PRKCE: variants seen among roughly 807,000 people sequenced by gnomAD.
The protein encoded by PRKCE is protein kinase C epsilon type.
PRKCE carries 16 observed loss-of-function variants against 85.4 expected under a neutral mutation model. The ratio of observed to expected loss-of-function variants is 0.19; its 90% CI spans 0.13 to 0.28. The LOEUF (loss-of-function observed/expected upper bound fraction) is 0.28, where lower values mean the gene tolerates loss of function less well. Ranked by LOEUF, PRKCE falls within the 10% of genes least tolerant of loss-of-function variation. The pLI is 1.00. For synonymous variants in PRKCE, 388 were observed against 371.5 expected (o/e 1.04, Z -0.51); for missense variants, 573 against 975.2 (o/e 0.59, Z 5.49).
chr2:46,089,673 A>G (rs2103941596), intron 11 of PRKCE, among the ~76,000 whole-genome samples: 1 of 152,336 alleles, frequency 6.6e-6, no homozygotes, highest in Middle Eastern at 3.4e-3. Context: ...GGGTTGGGGA[A>G]GGCATCCAGC....
chr2:45,897,939 C>A (rs73926106), intron 2 of PRKCE, among the ~76,000 whole-genome samples: 2,238 of 152,276 alleles, frequency 0.015, 72 homozygotes, highest in African/African-American at 0.051. Context: ...ATTTGCCCAA[C>A]CTCTGGTGTG....
chr2:45,822,489 G>C (rs1277264873), intron 1 of PRKCE, among the ~76,000 whole-genome samples: 1 of 152,250 alleles, frequency 6.6e-6, no homozygotes, highest in Non-Finnish European at 1.5e-5. Context: ...AGATGTGTCT[G>C]TTGCTGGATG....
intron 1 of PRKCE, among the ~76,000 whole-genome samples, chr2:45,791,180 T>C (rs1687005652): frequency 6.6e-6 from 1 of 152,236 alleles, no homozygotes; most frequent in African/African-American, 2.4e-5. Flanking sequence ...TTCTGTGCCC[T>C]GCTGAACCTC....
chr2:45,940,093 G>A (rs766605398), intron 2 of PRKCE, among the ~76,000 whole-genome samples: 9 of 152,034 alleles, frequency 5.9e-5, no homozygotes, highest in South Asian at 4.2e-4. Flanking sequence ...TCTTTTTTGC[G>A]CTCACTTACT....
intron 11 of PRKCE, among the ~76,000 whole-genome samples, chr2:46,141,724 C>G (rs1327907424): frequency 6.6e-6 from 1 of 151,338 alleles, no homozygotes; most frequent in African/African-American, 2.4e-5. Flanking sequence ...AAATATGTCC[C>G]ATTCCTCAAA....
chr2:45,698,806 G>C (rs1484612556), intron 1 of PRKCE, among the ~76,000 whole-genome samples: 1 of 152,156 alleles, frequency 6.6e-6, no homozygotes, highest in African/African-American at 2.4e-5. Flanking sequence ...GAGTTGTCTG[G>C]ATTTCCTAGG....
At chr2:45,876,769 C>G (rs1419775696) in intron 2 of PRKCE, among the ~76,000 whole-genome samples, 1 of 152,240 alleles carries the variant, frequency 6.6e-6, no homozygotes, top group African/African-American at 2.4e-5. Flanking sequence ...AAACAGCATA[C>G]TGTTAGATTT....
intron 10 of PRKCE, among the ~76,000 whole-genome samples, chr2:46,059,599 G>C (rs749849239): frequency 1.3e-5 from 2 of 152,334 alleles, no homozygotes; most frequent in Admixed American, 1.3e-4. Flanking sequence ...ATTCTAAGCA[G>C]ATTTGAGAGG....
At chr2:46,108,422 G>A (rs866742664) in intron 11 of PRKCE, among the ~76,000 whole-genome samples, 11 of 152,142 alleles carry the variant, frequency 7.2e-5, no homozygotes, top group African/African-American at 2.4e-4. Context: ...AACAAATATA[G>A]CATGTCTTCA....
intron 11 of PRKCE, among the ~76,000 whole-genome samples, chr2:46,095,931 A>T (rs1039448274): frequency 6.6e-6 from 1 of 152,248 alleles, no homozygotes; most frequent in Non-Finnish European, 1.5e-5. Flanking sequence ...CATGTTACTT[A>T]TTGAGTCATC....
chr2:46,114,020 G>T (rs1253183541), intron 11 of PRKCE, among the ~76,000 whole-genome samples: 3 of 152,008 alleles, frequency 2.0e-5, no homozygotes, highest in Non-Finnish European at 4.4e-5. Flanking sequence ...CTGCAGTTTG[G>T]GTTTAACGGG....
At chr2:45,735,752 G>A (rs1024972816) in intron 1 of PRKCE, among the ~76,000 whole-genome samples, 5 of 152,194 alleles carry the variant, frequency 3.3e-5, no homozygotes, top group Non-Finnish European at 7.3e-5. Context: ...GGGAATGAAT[G>A]AGGAAGGCAA....
intron 1 of PRKCE, among the ~76,000 whole-genome samples, chr2:45,775,518 A>G (rs13016569): frequency 0.77 from 117,817 of 152,116 alleles, 45,889 homozygotes; most frequent in East Asian, 0.88. Flanking sequence ...ACTTATTTTC[A>G]TACCTCCCTG....
At position 46,147,868 on chromosome 2, in the gene PRKCE, C is replaced by G. The variant is rs79298080; in HGVS notation, c.1731+2637C>G. Among the ~76,000 whole-genome samples the G allele has an allele frequency of 1.7e-3, 258 of 152,316 alleles. 3 individuals carry two copies. In the East Asian group the frequency reaches 0.038, roughly 22 times the overall value. On this transcript the variant is annotated intron_variant, in intron 12 of 14. Coordinates refer to ENST00000306156, the MANE Select transcript of PRKCE (RefSeq NM_005400.3). ...AAATGTACACATGAGCATTTGATGA[C>G]TTGATGAAGTCACAAAATGTTTTTG...
intron 1 of PRKCE, among the ~76,000 whole-genome samples, chr2:45,761,447 C>T (rs766092277): frequency 2.6e-5 from 4 of 152,004 alleles, no homozygotes; most frequent in East Asian, 1.9e-4. Context: ...GTGTCCCAAG[C>T]GCTTTACCTA....
At position 45,700,936 on chromosome 2, in the gene PRKCE, G is replaced by A. The variant is rs114021299; in HGVS notation, c.348+48488G>A. ...ATGCCTGGGGCTCCCAGAAGCTGGC[G>A]GAAGCAAGGAAGGACCCTCCTTTAG... On this transcript the variant is annotated intron_variant, in intron 1 of 14. Transcript: ENST00000306156. Among the ~76,000 whole-genome samples, 498 of 152,268 alleles carry A rather than the reference G, an allele frequency of 3.3e-3. 3 individuals carry two copies. Among genetic ancestry groups the A allele is most frequent in the African/African-American group, 0.012 (478 of 41,558 alleles).
chr2:45,771,678 G>A (rs1476412532), intron 1 of PRKCE, among the ~76,000 whole-genome samples: 4 of 151,170 alleles, frequency 2.6e-5, no homozygotes, highest in African/African-American at 4.9e-5. Flanking sequence ...TACAGGGGAC[G>A]TGGAGTGACT....
intron 11 of PRKCE, among the ~76,000 whole-genome samples, chr2:46,140,039 A>T (rs1675361104): frequency 6.6e-6 from 1 of 152,216 alleles, no homozygotes; most frequent in Non-Finnish European, 1.5e-5. Context: ...AAATGCTCCT[A>T]AGGGACACAG....
chr2:45,818,161 C>A (rs1037390686), intron 1 of PRKCE, among the ~76,000 whole-genome samples: 2 of 152,178 alleles, frequency 1.3e-5, no homozygotes, highest in Non-Finnish European at 2.9e-5. Context: ...GTATCATGTG[C>A]CACATAGAAA....
Sources: allele counts gnomAD v4.1 joint callset (sites outside exome capture counted in the v4.1 genomes callset), GRCh38; gene constraint gnomAD v4.1.1; transcripts MANE v1.5; gene names NCBI Gene and HGNC (gene_info 2026-07-23, HGNC 2026-07-21).